Variants in SLC9A7 observed in about 807,000 individuals in gnomAD.
SLC9A7 encodes sodium/hydrogen exchanger 7.
SLC9A7 carries 19 observed loss-of-function variants against 52.6 expected under a neutral mutation model. That is an observed-to-expected ratio of 0.36 (90% CI 0.25 to 0.53). SLC9A7 has a LOEUF of 0.53. SLC9A7 is among the 20% of genes least tolerant of loss of function. The probability of loss-of-function intolerance (pLI) is 0.91; values close to 1 mark genes in which losing one functional copy is unlikely to be tolerated. For synonymous variants in SLC9A7, 226 were observed against 252.1 expected (o/e 0.90, Z 0.98); for missense variants, 455 against 597.9 (o/e 0.76, Z 2.49).
At chrX:46,676,381 G>T (rs1305079749) in intron 3 of SLC9A7, among the ~76,000 whole-genome samples, 3 of 112,073 alleles carry the variant, frequency 2.7e-5, no homozygotes, top group Non-Finnish European at 5.6e-5. Context: ...GAAGTCTTCT[G>T]TGTTGTTACT....
intron 8 of SLC9A7, 106 bp downstream of exon 8, chrX:46,653,503 G>T: frequency 2.0e-6 from 1 of 506,351 alleles, no homozygotes; most frequent in African/African-American, 2.3e-5. Context: ...TTGCTGAACA[G>T]TTAAACTCTG....
chrX:46,658,692 A>G (rs1943752359), intron 7 of SLC9A7, among the ~76,000 whole-genome samples: 1 of 111,520 alleles, frequency 9.0e-6, no homozygotes. Context: ...GAATCTCTGA[A>G]TAGACCAATA....
intron 5 of SLC9A7, among the ~76,000 whole-genome samples, chrX:46,668,447 C>T (rs1043596038): frequency 4.5e-5 from 5 of 111,010 alleles, no homozygotes; most frequent in African/African-American, 1.3e-4. Context: ...GCAGAGGTTA[C>T]GGTGAGCCAA....
intron 1 of SLC9A7, among the ~76,000 whole-genome samples, chrX:46,689,440 T>G (rs1489416646): frequency 1.8e-5 from 2 of 111,938 alleles, no homozygotes; most frequent in Non-Finnish European, 3.8e-5. Context: ...CTGGCACAAA[T>G]AAAGCTGCCA....
At position 46,606,717 on chromosome X, in the gene SLC9A7, CACT is replaced by C; in HGVS notation, c.*232_*234del. On this transcript the variant is annotated 3_prime_UTR_variant, in exon 17 of 17. Transcript: ENST00000616978. The stretch of plus-strand genomic sequence containing the variant: ...TTGTTTGTTTAACTCTGAAACAGCG[CACT>C]ACTATGTGAAAAAAGTGGGAATAGG... 1 of 1,068,036 alleles carries C rather than the reference CACT, an allele frequency of 9.4e-7. No individual in the cohort carries two copies. The highest frequency in any genetic ancestry group is 1.9e-5 in the African/African-American group (1 of 53,158). The allele number at this position is 1,068,036 out of a possible 1,213,427, so 88.0% of individuals were successfully genotyped here.
chrX:46,631,280 C>T (rs576958437), intron 14 of SLC9A7, among the ~76,000 whole-genome samples: 5 of 112,019 alleles, frequency 4.5e-5, no homozygotes, highest in South Asian at 3.7e-4. Context: ...CTGATAGACT[C>T]GGAACCAGTT....
At chrX:46,623,462 G>A (rs1488753979) in intron 14 of SLC9A7, among the ~76,000 whole-genome samples, 5 of 110,743 alleles carry the variant, frequency 4.5e-5, no homozygotes, top group African/African-American at 1.6e-4. Context: ...ACACCTACCC[G>A]GCCAACCTCT....
chrX:46,619,735 TC>T, intron 15 of SLC9A7, among the ~76,000 whole-genome samples: 1 of 55,489 alleles, frequency 1.8e-5, no homozygotes, highest in South Asian at 1.0e-3. Flanking sequence ...TTTCTTTCTT[TC>T]TTTTTTTTTT....
intron 6 of SLC9A7, 40 bp from the exon 7 acceptor site, chrX:46,662,197 C>G (rs773657275): frequency 8.7e-7 from 1 of 1,146,803 alleles, no homozygotes; most frequent in East Asian, 3.0e-5. Context: ...AAAGACTGCA[C>G]AGGTTTTACA....
chrX:46,632,529 C>T (rs1036528607), intron 13 of SLC9A7, among the ~76,000 whole-genome samples: 2 of 111,204 alleles, frequency 1.8e-5, no homozygotes, highest in Non-Finnish European at 3.8e-5. Context: ...TTCTTCATCC[C>T]CCCACAATCC....
intron 1 of SLC9A7, among the ~76,000 whole-genome samples, chrX:46,720,851 A>T (rs1192474135): frequency 1.8e-5 from 2 of 111,891 alleles, no homozygotes; most frequent in Non-Finnish European, 3.8e-5. Context: ...AGATGATATA[A>T]CAAAGCAAAA....
At chrX:46,726,177 C>T (rs1021078722) in intron 1 of SLC9A7, among the ~76,000 whole-genome samples, 2 of 110,594 alleles carry the variant, frequency 1.8e-5, no homozygotes, top group Non-Finnish European at 3.8e-5. Context: ...TCGTTTGAGC[C>T]CAGGACATTG....
At chrX:46,692,493 C>G (rs1235000497) in intron 1 of SLC9A7, among the ~76,000 whole-genome samples, 1 of 111,018 alleles carries the variant, frequency 9.0e-6, no homozygotes, top group Non-Finnish European at 1.9e-5. Flanking sequence ...GATCTCATGC[C>G]ACTACAAAAT....
Position 46,758,942 on chromosome X carries a change from C to A in SLC9A7, c.88G>T (p.Gly30Cys). 1 of 1,098,063 alleles carries A rather than the reference C, an allele frequency of 9.1e-7. No homozygotes were observed. Among genetic ancestry groups the A allele is most frequent in the Non-Finnish European group, 1.2e-6 (1 of 844,808 alleles). 90.5% of individuals were successfully genotyped at this position (1,098,063 alleles called of 1,213,427 possible). A position where few individuals can be genotyped will look rare whatever the true frequency, so the allele number is the denominator to read the frequency against. ...GCGGCCGCGACTCGCAGCCCCCAAC[C>A]CAGCAGCAGCGGCAGCAGCAGCAGC... ...PRLLLLPLLL[G>C]WGLRVAAAAS... Residue 30 changes from glycine to cysteine, a missense_variant, in exon 1 of 17, where the codon GGT (glycine) becomes TGT (cysteine). This residue lies in a region of SLC9A7 where 304 missense variants were observed against 417.8 expected (regional missense o/e 0.73). Transcript: ENST00000616978.
rs770745300 is a variant in SLC9A7, at chrX:46,613,302, G to C, written c.1916C>G (p.Pro639Arg). The C allele has an allele frequency of 8.3e-7, 1 of 1,204,459 alleles. No homozygotes were observed. The highest frequency in any genetic ancestry group is 3.0e-5 in the East Asian group (1 of 33,754). ...CGLLARCLTS[P>R]QVYDNQEPLR... is the part of the protein sequence containing the mutation. ...TGCAGTACTTACATCGTACACCTGG[G>C]GACTGGTCAGACATCGAGCTAGTAA... Residue 639 changes from proline (P) to arginine (R), a missense_variant, in exon 16 of 17, where the codon CCC becomes CGC. Transcript: ENST00000616978.
At chrX:46,625,641 T>A in intron 14 of SLC9A7, among the ~76,000 whole-genome samples, 1 of 97,394 alleles carries the variant, frequency 1.0e-5, no homozygotes, top group African/African-American at 4.0e-5. Context: ...ACCTGGGAGG[T>A]GGAGGTTGCA....
chrX:46,607,123 T>C lies in SLC9A7; in HGVS notation c.2010A>G (p.Thr670=), dbSNP rs1325982218. 1.7e-6 allele frequency: 2 copies of C among 1,209,539 alleles called. No homozygotes were observed. The highest frequency in any genetic ancestry group is 2.2e-5 in the Admixed American group (1 of 45,701). Residue 670 remains threonine, a synonymous_variant, in exon 17 of 17, where the codon ACA becomes ACG. Transcript: ENST00000616978. ...GDLTLTYGDS[T]VTANGSSSSH... is the part of the protein sequence containing the mutation. ...AACTTGAGGAGCCATTTGCAGTCAC[T>C]GTGCTGTCCCCGTAGGTCAATGTCA...
intron 16 of SLC9A7, among the ~76,000 whole-genome samples, chrX:46,608,372 T>A (rs17336188): frequency 0.33 from 36,947 of 111,410 alleles, 5,813 homozygotes; most frequent in African/African-American, 0.6. Flanking sequence ...ATTCTCAGTG[T>A]TGTCAACTTC....
intron 1 of SLC9A7, chrX:46,725,253 G>A (rs1264335443): frequency 3.8e-5 from 42 of 1,109,592 alleles, no homozygotes; most frequent in Non-Finnish European, 4.8e-5. Flanking sequence ...AATTGCAGGT[G>A]CAGATGCTGT....
Sources: gnomAD v4.1 joint callset for allele counts (sites outside exome capture counted in the v4.1 genomes callset) on GRCh38, gnomAD v4.1.1 for gene constraint, gnomAD v4.1.1 regional missense constraint, MANE v1.5 for transcripts, NCBI Gene and HGNC (gene_info 2026-07-23, HGNC 2026-07-21) for gene names.